EPHA6: variants seen among roughly 807,000 people sequenced by gnomAD.
EPHA6 encodes the protein ephrin type-A receptor 6.
A neutral mutation model predicts 112.0 loss-of-function variants in EPHA6; 50 were observed. The ratio of observed to expected loss-of-function variants is 0.45; its 90% CI spans 0.36 to 0.56. EPHA6 has a LOEUF of 0.56. Among genes scored for constraint, EPHA6 ranks in the 20% least tolerant of loss-of-function variants. The pLI, the probability that EPHA6 is intolerant of heterozygous loss-of-function variation, is 0.00. For synonymous variants in EPHA6, 529 were observed against 490.7 expected, an observed-to-expected ratio of 1.08 and a Z score of -1.03; for missense variants, 1,280 against 1,417.4, an observed-to-expected ratio of 0.90 and a Z score of 1.56.
Position 97,479,283 on chromosome 3 carries a change from C to A in EPHA6, c.2004-11C>A, listed in dbSNP as rs752578750. The A allele has an allele frequency of 4.6e-6, 7 of 1,533,510 alleles. No homozygotes were observed. The highest frequency in any genetic ancestry group is 3.8e-5 in the South Asian group (3 of 79,470). The allele number at this position is 1,533,510 out of a possible 1,614,324, so 95.0% of individuals were successfully genotyped here. On this transcript the variant is annotated splice_polypyrimidine_tract_variant and intron_variant, in intron 8 of 17. Transcript: ENST00000389672. ...CTTAAAACAAGTTTTTTTTTTTAAT[C>A]TTTTTAAAAGATGTCAGTGGTACAT...
chr3:97,681,248 G>A (rs796641020), intron 14 of EPHA6, among the ~76,000 whole-genome samples: 20 of 152,176 alleles, frequency 1.3e-4, no homozygotes, highest in African/African-American at 4.8e-4. Flanking sequence ...GGGATAAATG[G>A]AAATAAGCAC....
At chr3:97,477,872 C>A (rs1427624453) in intron 8 of EPHA6, among the ~76,000 whole-genome samples, 1 of 151,928 alleles carries the variant, frequency 6.6e-6, no homozygotes, top group African/African-American at 2.4e-5. Flanking sequence ...TTAAGGAGCT[C>A]TTAACTACAA....
chr3:97,281,169 A>C (rs930948143), intron 5 of EPHA6, among the ~76,000 whole-genome samples: 4 of 151,398 alleles, frequency 2.6e-5, no homozygotes, highest in Non-Finnish European at 5.9e-5. Flanking sequence ...TAAAGCTATG[A>C]CCGGAATTGC....
chr3:97,520,203 G>A (rs572849670), intron 10 of EPHA6, among the ~76,000 whole-genome samples: 6 of 152,128 alleles, frequency 3.9e-5, no homozygotes, highest in Admixed American at 2.0e-4. Context: ...TCCTGACCTC[G>A]TGATTCACCT....
intron 3 of EPHA6, among the ~76,000 whole-genome samples, chr3:97,112,734 A>T (rs568131067): frequency 6.6e-6 from 1 of 152,150 alleles, no homozygotes; most frequent in South Asian, 2.1e-4. Context: ...CAGAGGATTC[A>T]TATATGGATC....
chr3:97,100,763 A>G (rs9811147), intron 3 of EPHA6, among the ~76,000 whole-genome samples: 27,003 of 151,904 alleles, frequency 0.18, 2,528 homozygotes, highest in Non-Finnish European at 0.2. Context: ...AGTGTTTCCT[A>G]TTATTTCCCA....
chr3:97,377,849 G>A (rs1157472042), intron 5 of EPHA6, among the ~76,000 whole-genome samples: 3 of 151,790 alleles, frequency 2.0e-5, no homozygotes, highest in Non-Finnish European at 3.0e-5. Context: ...GGTGACTTGG[G>A]TGCTGTTAAA....
At chr3:97,066,635 A>G (rs995719131) in intron 3 of EPHA6, among the ~76,000 whole-genome samples, 1 of 152,164 alleles carries the variant, frequency 6.6e-6, no homozygotes, top group Non-Finnish European at 1.5e-5. Flanking sequence ...AGTGGCTACT[A>G]CCTTTTCCAG....
At chr3:96,949,565 C>A (rs1050168620) in intron 2 of EPHA6, among the ~76,000 whole-genome samples, 1 of 151,896 alleles carries the variant, frequency 6.6e-6, no homozygotes, top group African/African-American at 2.4e-5. Flanking sequence ...TGAAATTAAA[C>A]CTCTCTAAAT....
At chr3:97,036,500 T>C (rs1380835533) in intron 3 of EPHA6, among the ~76,000 whole-genome samples, 2 of 152,010 alleles carry the variant, frequency 1.3e-5, no homozygotes, top group African/African-American at 4.8e-5. Context: ...TTCTGGCAAT[T>C]TTCTTACCTA....
intron 3 of EPHA6, among the ~76,000 whole-genome samples, chr3:97,027,337 G>GTAC (rs1344841268): frequency 1.3e-5 from 2 of 152,014 alleles, no homozygotes; most frequent in Non-Finnish European, 2.9e-5. Flanking sequence ...CAAGTAATGA[G>GTAC]TACTAGGCTT....
chr3:97,622,471 C>A (rs2093821803), intron 13 of EPHA6, among the ~76,000 whole-genome samples: 1 of 151,710 alleles, frequency 6.6e-6, no homozygotes, highest in African/African-American at 2.4e-5. Flanking sequence ...TATGTATATG[C>A]CACATTTTGC....
chr3:97,717,307 T>A (rs928239340), intron 14 of EPHA6, among the ~76,000 whole-genome samples: 1 of 152,026 alleles, frequency 6.6e-6, no homozygotes, highest in Non-Finnish European at 1.5e-5. Context: ...TGTAATGTTG[T>A]TCATTTTAAC....
chr3:97,067,550 ATATATAC>A (rs1221454451), intron 3 of EPHA6, among the ~76,000 whole-genome samples: 1 of 151,808 alleles, frequency 6.6e-6, no homozygotes, highest in Non-Finnish European at 1.5e-5. Context: ...ATATATATAT[ATATATAC>A]CAAAGAGAAG....
chr3:97,463,681 C>T (rs542623213), intron 7 of EPHA6, among the ~76,000 whole-genome samples: 1 of 152,194 alleles, frequency 6.6e-6, no homozygotes, highest in Non-Finnish European at 1.5e-5. Flanking sequence ...CTGACTACAA[C>T]CTTTGATAGA....
rs71623564 is a variant in EPHA6 at position 96,994,732 on chromosome 3, TAGAGAG to T, written c.1114+6764_1114+6769del. Among the ~76,000 whole-genome samples, 260 of 82,196 alleles carry T rather than the reference TAGAGAG, an allele frequency of 3.2e-3. 5 individuals are homozygous for T. Among genetic ancestry groups the T allele is most frequent in the African/African-American group, 0.013 (207 of 15,540 alleles). 53.9% of individuals were successfully genotyped at this position (82,196 alleles called of 152,430 possible). A position where few individuals can be genotyped will look rare whatever the true frequency, so the allele number is the denominator to read the frequency against. On this transcript the variant is annotated intron_variant, in intron 3 of 17. Transcript: ENST00000389672. Reference sequence around the variant, plus strand: ...GTGTATATATATATATATATATATATAGAGAGAGAGAGAGAGAGAGAGAGAGAGAGC... The same window carrying T: ...GTGTATATATATATATATATATATATAGAGAGAGAGAGAGAGAGAGAGAGC...
chr3:97,622,885 G>T (rs1214094483), intron 13 of EPHA6, among the ~76,000 whole-genome samples: 3 of 151,520 alleles, frequency 2.0e-5, no homozygotes, highest in Non-Finnish European at 4.4e-5. Flanking sequence ...GTGCTTATTG[G>T]CCATTTGTAT....
chr3:96,963,692 G>C (rs2042024569), intron 2 of EPHA6, among the ~76,000 whole-genome samples: 1 of 152,104 alleles, frequency 6.6e-6, no homozygotes, highest in African/African-American at 2.4e-5. Context: ...TTAAACAAAA[G>C]TGAACAGATA....
intron 1 of EPHA6, among the ~76,000 whole-genome samples, chr3:96,854,340 C>T (rs1325820635): frequency 1.3e-5 from 2 of 151,762 alleles, no homozygotes; most frequent in Non-Finnish European, 2.9e-5. Context: ...CCACCACACC[C>T]AGCTAATTTT....
Sources: allele counts gnomAD v4.1 joint callset (sites outside exome capture counted in the v4.1 genomes callset), GRCh38; gene constraint gnomAD v4.1.1; transcripts MANE v1.5; gene names NCBI Gene and HGNC (gene_info 2026-07-23, HGNC 2026-07-21).